NKTR: variants seen among roughly 807,000 people sequenced by gnomAD.
NKTR encodes natural killer cell triggering receptor.
Under a neutral mutation model 156.3 loss-of-function variants are expected in NKTR, and 67 were observed. That is an observed-to-expected ratio of 0.43 (90% CI 0.35 to 0.53). The LOEUF (loss-of-function observed/expected upper bound fraction) is 0.53, where lower values mean the gene tolerates loss of function less well. Ranked by LOEUF, NKTR falls within the 20% of genes least tolerant of loss-of-function variation. NKTR has a pLI of 0.01. For synonymous variants in NKTR, 640 were observed against 596.6 expected (o/e 1.07, Z -1.06); for missense variants, 1,604 against 1,730.9 (o/e 0.93, Z 1.30).
chr3:42,625,619 T>A lies in NKTR; in HGVS notation c.374+4103T>A, dbSNP rs147852809. Among the ~76,000 whole-genome samples the A allele has an allele frequency of 2.0e-3, 307 of 152,278 alleles. 1 individual carries two copies. The highest frequency in any genetic ancestry group is 7.0e-3 in the African/African-American group (292 of 41,562). On this transcript the variant is annotated intron_variant, in intron 6 of 16. Coordinates refer to ENST00000232978, the MANE Select transcript of NKTR (RefSeq NM_005385.4). ...AATAAAACTAGATTCGGGGTAGAAA[T>A]GCTTTTTCTACCCACGTATTCATAA... is the stretch of plus-strand genomic sequence containing the variant.
At chr3:42,602,087 A>G (rs1705550470) in intron 2 of NKTR, 1 of 152,264 alleles carries the variant, frequency 6.6e-6, no homozygotes, top group African/African-American at 2.4e-5. Flanking sequence ...GTAGAGGGAA[A>G]CAGCACAGCC....
chr3:42,609,395 A>G (rs1706549495), intron 2 of NKTR, among the ~76,000 whole-genome samples: 1 of 152,198 alleles, frequency 6.6e-6, no homozygotes, highest in South Asian at 2.1e-4. Flanking sequence ...TATAAGCTGA[A>G]GTATTAATAA....
intron 13 of NKTR, among the ~76,000 whole-genome samples, chr3:42,640,853 C>G (rs1024482358): frequency 6.6e-6 from 1 of 152,208 alleles, no homozygotes. Context: ...TTCCTCATGG[C>G]CTTTTCTCTC....
rs1710404952 is a variant in NKTR, at chr3:42,647,284, GT to G, written c.*1310del. 3 of 112,746 alleles carry G rather than the reference GT, an allele frequency of 2.7e-5. No homozygotes were observed. The highest frequency in any genetic ancestry group is 7.7e-5 in the Admixed American group (1 of 12,946). The allele number at this position is 112,746 out of a possible 1,614,324, so 7.0% of individuals were successfully genotyped here. A position where few individuals can be genotyped will look rare whatever the true frequency, so the allele number is the denominator to read the frequency against. ...TAAAAACTAGTGTGTGTGTGTGTGT[GT>G]GTGTGTGTGTGTGTGTGGTTTTTTT... is the stretch of plus-strand genomic sequence containing the variant. On this transcript the variant is annotated 3_prime_UTR_variant, in exon 17 of 17. Coordinates refer to ENST00000232978, the MANE Select transcript of NKTR (RefSeq NM_005385.4).
chr3:42,630,765 C>T, intron 7 of NKTR, 190 bp downstream of exon 7: 2 of 1,392,262 alleles, frequency 1.4e-6, no homozygotes, highest in Non-Finnish European at 1.9e-6. Flanking sequence ...CTGAAGGAGT[C>T]AATCTGTGCT....
intron 8 of NKTR, 137 bp downstream of exon 8, chr3:42,631,453 T>A (rs1708887568): frequency 3.1e-6 from 3 of 970,484 alleles, no homozygotes; most frequent in Non-Finnish European, 4.4e-6. Context: ...ACATGTTTAA[T>A]CTTTTAGCAT....
chr3:42,630,251 G>T, intron 6 of NKTR: 2 of 1,146,514 alleles, frequency 1.7e-6, no homozygotes, highest in East Asian at 4.2e-5. Flanking sequence ...ATTTTTATGT[G>T]TATTCATGCT....
chr3:42,610,652 A>G (rs1282024940), intron 2 of NKTR, among the ~76,000 whole-genome samples: 1 of 151,998 alleles, frequency 6.6e-6, no homozygotes, highest in South Asian at 2.1e-4. Context: ...AATAAACTAT[A>G]TTAGTAGATT....
rs765028174 is a variant in NKTR at position 42,638,232 on chromosome 3, G to A, written c.2528G>A (p.Gly843Asp). ...RTHNKQEKNR[G>D]EEKSKSEREC... The stretch of plus-strand genomic sequence containing the variant: ...CATAATAAACAAGAAAAAAACAGAG[G>A]TGAAGAAAAATCCAAGTCTGAACGG... Residue 843 changes from glycine to aspartate, a missense_variant, in exon 13 of 17, where the codon GGT becomes GAT. By Grantham distance (94) the Gly-to-Asp change is moderately conservative. Coordinates refer to ENST00000232978, the MANE Select transcript of NKTR (RefSeq NM_005385.4). 8 of 1,612,952 alleles carry A rather than the reference G, an allele frequency of 5.0e-6. No individual in the cohort carries two copies. The highest frequency in any genetic ancestry group is 5.9e-6 in the Non-Finnish European group (7 of 1,179,810).
intron 13 of NKTR, among the ~76,000 whole-genome samples, chr3:42,641,273 A>C (rs1709862322): frequency 6.6e-6 from 1 of 152,182 alleles, no homozygotes; most frequent in Non-Finnish European, 1.5e-5. Flanking sequence ...AAATGACTAC[A>C]ATCTTATTAG....
At chr3:42,634,481 G>A in intron 10 of NKTR, 132 bp from the exon 11 acceptor site, 1 of 522,006 alleles carries the variant, frequency 1.9e-6, no homozygotes, top group African/African-American at 1.9e-5. Context: ...GCCTGATATT[G>A]TCTTGTTTTA....
At position 42,621,659 on chromosome 3, in the gene NKTR, A is replaced by G. The variant is rs148325703; in HGVS notation, c.374+143A>G. ...TTAATTTCTAATATCATAGTAACTT[A>G]TAAGGTCTAACAACTGCCTCAGCAT... On this transcript the variant is annotated intron_variant, in intron 6 of 16. Coordinates refer to ENST00000232978, the MANE Select transcript of NKTR (RefSeq NM_005385.4). 9 of 857,154 alleles carry G rather than the reference A, an allele frequency of 1.0e-5. No individual in the cohort carries two copies. The African/African-American group carries it at 1.1e-4, about 10-fold the overall frequency. 53.1% of individuals were successfully genotyped at this position (857,154 alleles called of 1,614,324 possible).
chr3:42,638,535 A>G lies in NKTR; in HGVS notation c.2831A>G (p.Asp944Gly), dbSNP rs1275523552. 2 of 1,613,716 alleles carry G rather than the reference A, an allele frequency of 1.2e-6. No homozygotes were observed. The highest frequency in any genetic ancestry group is 1.7e-6 in the Non-Finnish European group (2 of 1,179,900). ...KSSTNTSLPD[D>G]NGAWKSSKQR... Reference sequence around the variant, plus strand: ...TCCACAAATACTTCACTGCCTGATGATAATGGTGCTTGGAAATCAAGCAAA... The same window carrying G: ...TCCACAAATACTTCACTGCCTGATGGTAATGGTGCTTGGAAATCAAGCAAA... The change falls in exon 13 of 17, where the codon GAT (aspartate) becomes GGT (glycine). Residue 944 changes from aspartate to glycine, a missense_variant. Physicochemically the swap from Asp to Gly is moderately conservative, Grantham distance 94. This residue lies in a region of NKTR where 1,255 missense variants were observed against 1,243.7 expected (regional missense o/e 1.01). Coordinates refer to ENST00000232978, the MANE Select transcript of NKTR (RefSeq NM_005385.4).
chr3:42,632,090 A>G (rs1453680413), intron 8 of NKTR, among the ~76,000 whole-genome samples: 1 of 123,092 alleles, frequency 8.1e-6, no homozygotes, highest in East Asian at 2.3e-4. Context: ...TTTTTTTGAG[A>G]CAAGAGTCTT....
Position 42,638,348 on chromosome 3 carries a change from G to A in NKTR, c.2644G>A (p.Gly882Ser), listed in dbSNP as rs1211856261. 1.2e-6 allele frequency: 2 copies of A among 1,613,042 alleles called. No individual in the cohort carries two copies. The highest frequency in any genetic ancestry group is 1.7e-6 in the Non-Finnish European group (2 of 1,179,698). The change falls in exon 13 of 17, where the codon GGT (glycine) becomes AGT (serine). Residue 882 changes from glycine to serine, a missense_variant. By Grantham distance (56) the Gly-to-Ser change is moderately conservative. This residue lies in a region of NKTR where 1,255 missense variants were observed against 1,243.7 expected (regional missense o/e 1.01). Transcript: ENST00000232978. ...GSKPKRKNYA[G>S]SKWDSESNSE... Reference sequence around the variant, plus strand: ...TAAGCCCAAAAGGAAGAATTATGCTGGTAGTAAATGGGACTCTGAGTCAAA... The same window carrying A: ...TAAGCCCAAAAGGAAGAATTATGCTAGTAGTAAATGGGACTCTGAGTCAAA...
chr3:42,602,369 A>G (rs1705587331), intron 2 of NKTR: 1 of 152,228 alleles, frequency 6.6e-6, no homozygotes, highest in Non-Finnish European at 1.5e-5. Context: ...TGTTCACACA[A>G]TGACGAAATT....
At position 42,647,980 on chromosome 3, in the gene NKTR, A is replaced by AC. The variant is rs1226900759; in HGVS notation, c.*2005_*2006insC. 6.6e-6 allele frequency: 1 copy of AC among 152,156 alleles called. No individual in the cohort carries two copies. The highest frequency in any genetic ancestry group is 2.4e-5 in the African/African-American group (1 of 41,432). The allele number at this position is 152,156 out of a possible 1,614,324, so 9.4% of individuals were successfully genotyped here. ...TTCCTTCATGGAGGCTCTGGGGAAG[A>AC]ATCTGCTTCTAAGTTCATTCAGGTT... is the stretch of plus-strand genomic sequence containing the variant. On this transcript the variant is annotated 3_prime_UTR_variant, in exon 17 of 17. Coordinates refer to ENST00000232978, the MANE Select transcript of NKTR (RefSeq NM_005385.4).
At position 42,638,972 on chromosome 3, in the gene NKTR, A is replaced by T; in HGVS notation, c.3268A>T (p.Ser1090Cys). 2 of 1,613,718 alleles carry T rather than the reference A, an allele frequency of 1.2e-6. No homozygotes were observed. Among genetic ancestry groups the T allele is most frequent in the Non-Finnish European group, 1.7e-6 (2 of 1,179,830 alleles). ...GTTTACTAAAGATGATAGTAAACTCAGTATTTCTCCCACAGCTTTAAATAC... is the reference window on the plus strand; with the variant it reads ...GTTTACTAAAGATGATAGTAAACTCTGTATTTCTCCCACAGCTTTAAATAC... ...DQFTKDDSKL[S>C]ISPTALNTEE... is the part of the protein sequence containing the mutation. Residue 1090 changes from serine (S) to cysteine (C), a missense_variant, in exon 13 of 17, where the codon AGT becomes TGT. Transcript: ENST00000232978.
At position 42,647,637 on chromosome 3, in the gene NKTR, T is replaced by C. The variant is rs895099462; in HGVS notation, c.*1662T>C. ...AACAGGACTTAGGCCAAACAAACAA[T>C]ACTGGATACTGAATACAAAACAGTA... On this transcript the variant is annotated 3_prime_UTR_variant, in exon 17 of 17. Transcript: ENST00000232978. The C allele has an allele frequency of 2.6e-5, 4 of 152,076 alleles. No homozygotes were observed. The highest frequency in any genetic ancestry group is 9.7e-5 in the African/African-American group (4 of 41,406). The allele number at this position is 152,076 out of a possible 1,614,324, so 9.4% of individuals were successfully genotyped here.
Sources: gnomAD v4.1 joint callset for allele counts (sites outside exome capture counted in the v4.1 genomes callset) on GRCh38, gnomAD v4.1.1 for gene constraint, gnomAD v4.1.1 regional missense constraint, MANE v1.5 for transcripts, NCBI Gene and HGNC (gene_info 2026-07-23, HGNC 2026-07-21) for gene names.